The following BFAR variants were observed in gnomAD, a reference collection of about 807,000 sequenced individuals.
The protein encoded by BFAR is bifunctional apoptosis regulator.
BFAR carries 52 observed loss-of-function variants against 54.4 expected under a neutral mutation model. The observed-to-expected ratio is 0.96, with a 90% CI of 0.77 to 1.21. BFAR has a LOEUF of 1.21. Among genes scored for constraint, BFAR ranks in the 50% most tolerant of loss-of-function variants. The probability of loss-of-function intolerance (pLI) is 0.00; values close to 1 mark genes in which losing one functional copy is unlikely to be tolerated. For synonymous variants in BFAR, 215 were observed against 204.3 expected, an observed-to-expected ratio of 1.05 and a Z score of -0.45; for missense variants, 571 against 534.0, an observed-to-expected ratio of 1.07 and a Z score of -0.68.
At chr16:14,636,316 T>C (rs1337813574) in intron 1 of BFAR, among the ~76,000 whole-genome samples, 2 of 152,230 alleles carry the variant, frequency 1.3e-5, no homozygotes, top group East Asian at 3.8e-4. Flanking sequence ...TAGTATTTAT[T>C]GATCATTCTT....
At position 14,645,433 on chromosome 16, in the gene BFAR, G is replaced by A. The variant is rs892515708; in HGVS notation, c.263+824G>A. The stretch of plus-strand genomic sequence containing the variant: ...CAGTTCCAGTTATCACATTAATAGA[G>A]TTTCTCATGTGTAGCATCACAGTGC... On this transcript the variant is annotated intron_variant, in intron 2 of 7. Coordinates refer to ENST00000261658, the MANE Select transcript of BFAR (RefSeq NM_016561.3). Among the ~76,000 whole-genome samples, 3 of 152,200 alleles carry A rather than the reference G, an allele frequency of 2.0e-5. No homozygotes were observed. The East Asian group carries it at 5.8e-4, about 29-fold the overall frequency.
intron 1 of BFAR, among the ~76,000 whole-genome samples, chr16:14,641,183 A>T (rs118007827): frequency 0.012 from 1,790 of 152,320 alleles, 21 homozygotes; most frequent in Non-Finnish European, 0.018. Flanking sequence ...CCTAAACACA[A>T]GTGTATCCAT....
At position 14,649,899 on chromosome 16, in the gene BFAR, C is replaced by T. The variant is rs760108645; in HGVS notation, c.564C>T (p.Val188=). 2 of 1,613,766 alleles carry T rather than the reference C, an allele frequency of 1.2e-6. No homozygotes were observed. The highest frequency in any genetic ancestry group is 1.7e-6 in the Non-Finnish European group (2 of 1,179,842). ...CCAAATGGACGGCGGAAGAAGTTGT[C>T]CTCTGGCTGGAGCAGCTGGGCCCTT... The part of the protein sequence containing the change: ...AVAKWTAEEV[V]LWLEQLGPWA... The change falls in exon 4 of 8, where the codon GTC becomes GTT. Residue 188 remains valine (V), a synonymous_variant. Coordinates refer to ENST00000261658, the MANE Select transcript of BFAR (RefSeq NM_016561.3).
chr16:14,662,007 A>G lies in BFAR; in HGVS notation c.899A>G (p.His300Arg). The G allele has an allele frequency of 1.2e-6, 2 of 1,614,016 alleles. No individual in the cohort carries two copies. Among genetic ancestry groups the G allele is most frequent in the Non-Finnish European group, 1.7e-6 (2 of 1,180,014 alleles). Reference sequence around the variant, plus strand: ...ACCGACACCTTCCTACCTTTCATCCACACCATCTGCCCTCTGCAAGAAGAC... The same window carrying G: ...ACCGACACCTTCCTACCTTTCATCCGCACCATCTGCCCTCTGCAAGAAGAC... ...DYTDTFLPFIHTICPLQEDSS... is the reference protein window; with the variant it reads ...DYTDTFLPFIRTICPLQEDSS... The change falls in exon 6 of 8, where the codon CAC (histidine) becomes CGC (arginine). Residue 300 changes from histidine (H) to arginine (R), a missense_variant. Physicochemically the swap from His to Arg is conservative, Grantham distance 29 (BLOSUM62 0). Transcript: ENST00000261658.
At chr16:14,642,470 A>G (rs1959658941) in intron 1 of BFAR, among the ~76,000 whole-genome samples, 2 of 152,208 alleles carry the variant, frequency 1.3e-5, no homozygotes, top group Non-Finnish European at 2.9e-5. Context: ...ATTTTTAAAA[A>G]TGTCTCCTAA....
intron 1 of BFAR, 96 bp from the exon 2 acceptor site, chr16:14,644,178 A>C: frequency 1.4e-6 from 1 of 737,390 alleles, no homozygotes; most frequent in Non-Finnish European, 2.2e-6. Flanking sequence ...AAAAAAAAAA[A>C]AATTAGCGCT....
intron 1 of BFAR, among the ~76,000 whole-genome samples, chr16:14,640,962 G>A (rs1959606832): frequency 6.6e-6 from 1 of 152,206 alleles, no homozygotes; most frequent in Non-Finnish European, 1.5e-5. Flanking sequence ...TAGCTCTTCA[G>A]AGTGACTCAG....
Position 14,661,956 on chromosome 16 carries a change from T to A in BFAR, c.848T>A (p.Leu283Gln). ...CTCAAGAGCTCCCCCAGGCTGAGTC[T>A]GCTCTACCTGTACCTGTTTGACTAC... is the stretch of plus-strand genomic sequence containing the variant. Reference protein sequence around the residue: ...YALKSSPRLSLLYLYLFDYTD... With the variant: ...YALKSSPRLSQLYLYLFDYTD... The change falls in exon 6 of 8, where the codon CTG becomes CAG. Residue 283 changes from leucine to glutamine, a missense_variant. Leu to Gln is a moderately radical substitution (Grantham distance 113). Transcript: ENST00000261658. The A allele has an allele frequency of 2.5e-6, 4 of 1,614,162 alleles. No homozygotes were observed. The highest frequency in any genetic ancestry group is 3.4e-6 in the Non-Finnish European group (4 of 1,180,014).
At chr16:14,648,619 GC>G in intron 3 of BFAR, 27 bp downstream of exon 3, 5 of 1,569,248 alleles carry the variant, frequency 3.2e-6, no homozygotes, top group Admixed American at 1.7e-5. Flanking sequence ...GTTCCTCTGT[GC>G]CCCCCCACAC....
chr16:14,663,320 C>T (rs1960344695), intron 6 of BFAR, among the ~76,000 whole-genome samples: 1 of 151,162 alleles, frequency 6.6e-6, no homozygotes, highest in Non-Finnish European at 1.5e-5. Context: ...ACAGCCTCTG[C>T]CTGTTCATCA....
At position 14,664,948 on chromosome 16, in the gene BFAR, A is replaced by C. The variant is rs773847934; in HGVS notation, c.1037A>C (p.Glu346Ala). ...TTCCTTCCATACCAGCTGATTGCTG[A>C]GTTTGCTTGGGACTGGTTGGAGGTC... ...YSFLPYQLIA[E>A]FAWDWLEVHY... Residue 346 changes from glutamate to alanine, a missense_variant, in exon 7 of 8, where the codon GAG (glutamate) becomes GCG (alanine). By Grantham distance (107) the Glu-to-Ala change is moderately radical. Coordinates refer to ENST00000261658, the MANE Select transcript of BFAR (RefSeq NM_016561.3). The C allele has an allele frequency of 3.1e-6, 5 of 1,613,910 alleles. No homozygotes were observed. The highest frequency in any genetic ancestry group is 4.2e-6 in the Non-Finnish European group (5 of 1,179,864).
At chr16:14,633,422 C>G (rs1300068712) in intron 1 of BFAR, 1 of 152,464 alleles carries the variant, frequency 6.6e-6, no homozygotes, top group Non-Finnish European at 1.5e-5. Context: ...CTGCAACAGC[C>G]GGACCAGAAT....
At chr16:14,637,604 G>A (rs1449790659) in intron 1 of BFAR, among the ~76,000 whole-genome samples, 8 of 152,142 alleles carry the variant, frequency 5.3e-5, no homozygotes, top group Admixed American at 4.6e-4. Context: ...GAGAGGCCAC[G>A]GCAGGCAGAT....
chr16:14,646,126 A>C (rs570939608), intron 2 of BFAR, among the ~76,000 whole-genome samples: 1 of 152,130 alleles, frequency 6.6e-6, no homozygotes, highest in African/African-American at 2.4e-5. Flanking sequence ...ATCTCGACTT[A>C]CCACAACCTC....
chr16:14,667,621 T>C lies in BFAR; in HGVS notation c.1161-14T>C. 1 of 1,610,620 alleles carries C rather than the reference T, an allele frequency of 6.2e-7. No individual in the cohort carries two copies. The highest frequency in any genetic ancestry group is 8.5e-7 in the Non-Finnish European group (1 of 1,178,222). Reference sequence around the variant, plus strand: ...GAAGCGCCTCCGATTCAGCCTCTTCTCTTCTTGTTTCAGGACCGTGCCTCA... The same window carrying C: ...GAAGCGCCTCCGATTCAGCCTCTTCCCTTCTTGTTTCAGGACCGTGCCTCA... On this transcript the variant is annotated splice_polypyrimidine_tract_variant and intron_variant, in intron 7 of 7. Transcript: ENST00000261658.
At chr16:14,656,377 CAAAA>C (rs960109530) in intron 5 of BFAR, among the ~76,000 whole-genome samples, 1 of 150,754 alleles carries the variant, frequency 6.6e-6, no homozygotes, top group African/African-American at 2.4e-5. Flanking sequence ...AGTACAGACA[CAAAA>C]AAAATTAGTT....
intron 7 of BFAR, among the ~76,000 whole-genome samples, chr16:14,666,357 G>C (rs1260042144): frequency 6.6e-6 from 1 of 152,190 alleles, no homozygotes; most frequent in African/African-American, 2.4e-5. Context: ...GATCACCTGA[G>C]GTCAGGAGTT....
At chr16:14,649,408 G>C (rs182770802) in intron 3 of BFAR, among the ~76,000 whole-genome samples, 2 of 152,260 alleles carry the variant, frequency 1.3e-5, no homozygotes, top group African/African-American at 4.8e-5. Flanking sequence ...GAACCCACCA[G>C]TTTACTAACT....
At chr16:14,642,526 A>T (rs1959660520) in intron 1 of BFAR, among the ~76,000 whole-genome samples, 2 of 152,124 alleles carry the variant, frequency 1.3e-5, no homozygotes, top group South Asian at 4.1e-4. Flanking sequence ...TCATTTGCTT[A>T]CCTTTTGTCA....
Sources: gnomAD v4.1 joint callset for allele counts (sites outside exome capture counted in the v4.1 genomes callset) on GRCh38, gnomAD v4.1.1 for gene constraint, MANE v1.5 for transcripts, NCBI Gene and HGNC (gene_info 2026-07-23, HGNC 2026-07-21) for gene names.